GALK2: variants seen among roughly 807,000 people sequenced by gnomAD.
GALK2 encodes the protein galactokinase 2, also known as N-acetylgalactosamine kinase.
Under a neutral mutation model 52.4 loss-of-function variants are expected in GALK2, and 36 were observed. The observed-to-expected ratio is 0.69, with a 90% CI of 0.53 to 0.91. GALK2 has a LOEUF of 0.91. Among genes scored for constraint, GALK2 ranks in the 40% least tolerant of loss-of-function variants. GALK2 has a pLI of 0.00. For synonymous variants in GALK2, 176 were observed against 199.1 expected (o/e 0.88, Z 0.98); for missense variants, 579 against 559.1 (o/e 1.04, Z -0.36).
At chr15:49,250,294 T>C (rs2091534707) in intron 5 of GALK2, among the ~76,000 whole-genome samples, 1 of 152,186 alleles carries the variant, frequency 6.6e-6, no homozygotes, top group African/African-American at 2.4e-5. Flanking sequence ...ATGAGACTGG[T>C]TAAAGCATGC....
chr15:49,200,569 A>G (rs2087659492), intron 1 of GALK2, among the ~76,000 whole-genome samples: 1 of 152,232 alleles, frequency 6.6e-6, no homozygotes, highest in South Asian at 2.1e-4. Flanking sequence ...TTAGAGTAAT[A>G]AAGCTGTAAG....
chr15:49,196,759 A>G (rs958307530), intron 1 of GALK2, among the ~76,000 whole-genome samples: 3 of 152,160 alleles, frequency 2.0e-5, no homozygotes, highest in African/African-American at 7.2e-5. Flanking sequence ...TTTGCCTTAT[A>G]CAAGTAATTA....
At chr15:49,266,193 C>A (rs1258247791) in intron 5 of GALK2, among the ~76,000 whole-genome samples, 3 of 152,074 alleles carry the variant, frequency 2.0e-5, no homozygotes, top group African/African-American at 7.2e-5. Flanking sequence ...AAATGGAGAT[C>A]TCCAGCTTCC....
chr15:49,201,248 T>C lies in GALK2; in HGVS notation c.140T>C (p.Ile47Thr). The change falls in exon 2 of 10, where the codon ATA becomes ACA. Residue 47 changes from isoleucine to threonine, a missense_variant and splice_region_variant. By Grantham distance (89) the Ile-to-Thr change is moderately conservative. Coordinates refer to ENST00000560031, the MANE Select transcript of GALK2 (RefSeq NM_002044.4). ...CGAGCACCAGGAAGAGTCAACATAA[T>C]AGGTATTTCAAAAGTTCCTTCTCTT... Reference protein sequence around the residue: ...YVRAPGRVNIIGEHIDYCGYS... With the variant: ...YVRAPGRVNITGEHIDYCGYS... 1.3e-6 allele frequency: 2 copies of C among 1,579,356 alleles called. No homozygotes were observed. The highest frequency in any genetic ancestry group is 1.7e-4 in the Middle Eastern group (1 of 5,970).
rs33973907 is a variant in GALK2, at chr15:49,337,508, C to CTTT, written c.426+17728_426+17730dup. ...AATGTCTGTTCATATCATTTACCCA[C>CTTT]TTTTTTTTTTTTTTTTTTTTTTTTT... On this transcript the variant is annotated intron_variant, in intron 3 of 3. Coordinates refer to the GALK2 transcript ENST00000558399. Among the ~76,000 whole-genome samples the CTTT allele has an allele frequency of 3.2e-3, 116 of 36,076 alleles. 15 individuals carry two copies. Among genetic ancestry groups the CTTT allele is most frequent in the African/African-American group, 0.012 (94 of 8,132 alleles). The allele number at this position is 36,076 out of a possible 152,430, so 23.7% of individuals were successfully genotyped here. A position where few individuals can be genotyped will look rare whatever the true frequency, so the allele number is the denominator to read the frequency against.
intron 5 of GALK2, among the ~76,000 whole-genome samples, chr15:49,250,104 C>T (rs140839683): frequency 1.6e-4 from 25 of 152,240 alleles, no homozygotes; most frequent in African/African-American, 5.5e-4. Context: ...AAACTGCTGG[C>T]GAGTGTACCC....
At chr15:49,162,303 G>A (rs978528284) in intron 1 of GALK2, among the ~76,000 whole-genome samples, 5 of 152,158 alleles carry the variant, frequency 3.3e-5, no homozygotes, top group Non-Finnish European at 5.9e-5. Context: ...TGTCCAGGTT[G>A]TTGCATGTAT....
At chr15:49,336,375 A>G (rs1165979541), downstream of GALK2, among the ~76,000 whole-genome samples, 1 of 152,296 alleles carries the variant, frequency 6.6e-6, no homozygotes, top group African/African-American at 2.4e-5. Context: ...TGAAGTGGCA[A>G]TTGGCCAGTA....
At chr15:49,349,527 G>A (rs8026364) in intron 3 of GALK2, among the ~76,000 whole-genome samples, 24,451 of 151,934 alleles carry the variant, frequency 0.16, 3,072 homozygotes, top group African/African-American at 0.34. Context: ...TATTACATAA[G>A]TTTTAAATGT....
At chr15:49,206,106 C>CTAG (rs1396190057) in intron 2 of GALK2, among the ~76,000 whole-genome samples, 10 of 152,102 alleles carry the variant, frequency 6.6e-5, no homozygotes, top group African/African-American at 2.2e-4. Flanking sequence ...TATTTTTATA[C>CTAG]TAGTACCACG....
intron 8 of GALK2, among the ~76,000 whole-genome samples, chr15:49,303,320 T>C (rs909962370): frequency 6.6e-6 from 1 of 152,160 alleles, no homozygotes; most frequent in Admixed American, 6.5e-5. Context: ...CACGGCATCA[T>C]AAAACTTGCA....
intron 1 of GALK2, among the ~76,000 whole-genome samples, chr15:49,188,015 T>C (rs2086480840): frequency 6.6e-6 from 1 of 152,060 alleles, no homozygotes; most frequent in Admixed American, 6.5e-5. Context: ...TCTCTTTCCA[T>C]GGCCAACACA....
chr15:49,268,311 A>C (rs1595900192), intron 5 of GALK2, among the ~76,000 whole-genome samples: 1 of 152,200 alleles, frequency 6.6e-6, no homozygotes, highest in Non-Finnish European at 1.5e-5. Flanking sequence ...GGGGAAGAGT[A>C]GTTTTGGGAA....
intron 3 of GALK2, among the ~76,000 whole-genome samples, chr15:49,338,273 G>A (rs1211765640): frequency 6.6e-6 from 1 of 152,192 alleles, no homozygotes; most frequent in African/African-American, 2.4e-5. Context: ...GGTACCGGTT[G>A]TTCCTTTCCA....
intron 8 of GALK2, among the ~76,000 whole-genome samples, chr15:49,316,628 TAAATAAAC>T (rs900378397): frequency 1.1e-4 from 16 of 150,266 alleles, no homozygotes; most frequent in African/African-American, 4.0e-4. Flanking sequence ...AATAAATAAA[TAAATAAAC>T]AAGAAAAATC....
intron 8 of GALK2, among the ~76,000 whole-genome samples, chr15:49,300,897 A>G (rs1459413750): frequency 6.6e-6 from 1 of 152,186 alleles, no homozygotes. Context: ...AGAACGGACT[A>G]ATACAGTAGT....
At chr15:49,300,122 A>T (rs974561515) in intron 8 of GALK2, among the ~76,000 whole-genome samples, 6 of 151,918 alleles carry the variant, frequency 3.9e-5, no homozygotes, top group African/African-American at 1.5e-4. Flanking sequence ...GGGTGCTCTA[A>T]TGTTGGGTGA....
At chr15:49,357,495 G>T (rs2043369378) in intron 3 of GALK2, among the ~76,000 whole-genome samples, 1 of 152,052 alleles carries the variant, frequency 6.6e-6, no homozygotes. Flanking sequence ...AAGAAATAAT[G>T]GATAAATTCC....
intron 8 of GALK2, among the ~76,000 whole-genome samples, chr15:49,316,161 G>A (rs1301334537): frequency 6.6e-6 from 1 of 152,180 alleles, no homozygotes; most frequent in Non-Finnish European, 1.5e-5. Flanking sequence ...TGTGGAATTT[G>A]TTTGGATCTT....
Sources: gnomAD v4.1 joint callset for allele counts (sites outside exome capture counted in the v4.1 genomes callset) on GRCh38, gnomAD v4.1.1 for gene constraint, MANE v1.5 for transcripts, NCBI Gene and HGNC (gene_info 2026-07-23, HGNC 2026-07-21) for gene names.